Variants in LMX1B observed in about 807,000 individuals in gnomAD.
LMX1B encodes the protein LIM homeobox transcription factor 1-beta.
LMX1B carries 12 observed loss-of-function variants against 51.4 expected under a neutral mutation model. The ratio of observed to expected loss-of-function variants is 0.23; its 90% CI spans 0.15 to 0.38. LMX1B has a LOEUF of 0.38. Among genes scored for constraint, LMX1B ranks in the 10% least tolerant of loss-of-function variants. The probability of loss-of-function intolerance (pLI) is 1.00; values close to 1 mark genes in which losing one functional copy is unlikely to be tolerated. For synonymous variants in LMX1B, 237 were observed against 235.4 expected (o/e 1.01, Z -0.06); for missense variants, 445 against 571.1 (o/e 0.78, Z 2.25).
At chr9:126,669,291 G>T (rs544977500) in intron 2 of LMX1B, among the ~76,000 whole-genome samples, 2 of 151,940 alleles carry the variant, frequency 1.3e-5, no homozygotes, top group Non-Finnish European at 2.9e-5. Flanking sequence ...GAGAACTCCC[G>T]GCGGATGAGG....
Position 126,673,955 on chromosome 9 carries a change from G to C in LMX1B, c.327-16881G>C, listed in dbSNP as rs1313063749. Among the ~76,000 whole-genome samples the C allele has an allele frequency of 6.6e-5, 10 of 152,306 alleles. No homozygotes were observed. The highest frequency in any genetic ancestry group is 3.4e-3 in the Middle Eastern group (1 of 294). On this transcript the variant is annotated intron_variant, in intron 2 of 7. Coordinates refer to ENST00000373474, the MANE Select transcript of LMX1B (RefSeq NM_001174147.2). This position sits in a 1 kb window ranked among gnomAD's most constrained non-coding sequence, Gnocchi z 4.4. ...GTTTGGACAGCTGCCTTGTCTGTCC[G>C]TCTGTTTGGGAGATGCTGGCTGATA... is the stretch of plus-strand genomic sequence containing the variant.
In LMX1B at chr9:126,693,819, CG is replaced by C; in HGVS notation, c.886+11del. 3.2e-6 allele frequency: 4 copies of C among 1,244,890 alleles called. No homozygotes were observed. The highest frequency in any genetic ancestry group is 2.3e-6 in the Non-Finnish European group (2 of 880,862). The allele number at this position is 1,244,890 out of a possible 1,614,324, so 77.1% of individuals were successfully genotyped here. ...TCCCAGCGGCTGGGCCAGGGTGAGC[CG>C]GGGCCGGGGCAGGGCCTGGGCCAGG... On this transcript the variant is annotated splice_region_variant and intron_variant, in intron 6 of 7. Transcript: ENST00000373474.
chr9:126,649,763 A>C (rs898203416), intron 2 of LMX1B, among the ~76,000 whole-genome samples: 2 of 152,098 alleles, frequency 1.3e-5, no homozygotes, highest in Non-Finnish European at 2.9e-5. Context: ...AGTAGCTGGG[A>C]CTATGGGCAT....
intron 2 of LMX1B, among the ~76,000 whole-genome samples, chr9:126,620,810 A>G (rs1835396845): frequency 6.6e-6 from 1 of 152,186 alleles, no homozygotes; most frequent in African/African-American, 2.4e-5. Context: ...AGCTTGGAAA[A>G]GCTTAATAAT....
At position 126,696,510 on chromosome 9, in the gene LMX1B, C is replaced by T. The variant is rs886063420; in HGVS notation, c.*59C>T. On this transcript the variant is annotated 3_prime_UTR_variant, in exon 8 of 8. Coordinates refer to ENST00000373474, the MANE Select transcript of LMX1B (RefSeq NM_001174147.2). The stretch of plus-strand genomic sequence containing the variant: ...GCCTGGGGGGGACTGCCAGCCTCTG[C>T]GGCCAGCCTGGCCACCCCCGCCCTG... The T allele has an allele frequency of 6.9e-6, 11 of 1,596,424 alleles. No homozygotes were observed. Among genetic ancestry groups the T allele is most frequent in the East Asian group, 4.5e-5 (2 of 44,742 alleles).
chr9:126,670,788 A>G (rs1836434331), intron 2 of LMX1B, among the ~76,000 whole-genome samples: 1 of 152,218 alleles, frequency 6.6e-6, no homozygotes, highest in Non-Finnish European at 1.5e-5. Flanking sequence ...AGGTCCTCAA[A>G]TAACGTTTCC....
rs1208744018 is a variant in LMX1B at position 126,615,803 on chromosome 9, C to T, written c.326+234C>T. On this transcript the variant is annotated intron_variant, in intron 2 of 7. Transcript: ENST00000373474. The surrounding 1 kb of genome is among the most constrained non-coding windows in gnomAD (Gnocchi z 6.0). ...CGGCCCCCAGTTGCCATCCGTTGTC[C>T]CGGAATCCTGCGCTGGGCCGGCCGA... is the stretch of plus-strand genomic sequence containing the variant. 6.6e-6 allele frequency among the ~76,000 whole-genome samples: 1 copy of T among 152,184 alleles called. No homozygotes were observed. Among genetic ancestry groups the T allele is most frequent in the Non-Finnish European group, 1.5e-5 (1 of 68,024 alleles).
chr9:126,630,460 A>G (rs1835613330), intron 2 of LMX1B, among the ~76,000 whole-genome samples: 4 of 152,016 alleles, frequency 2.6e-5, no homozygotes, highest in Admixed American at 1.3e-4. Context: ...GTTATCTGTG[A>G]CCTGTCTGGT....
chr9:126,696,683 C>T lies in LMX1B; in HGVS notation c.*232C>T, dbSNP rs551852198. The T allele has an allele frequency of 5.0e-5, 29 of 577,686 alleles. No homozygotes were observed. Among genetic ancestry groups the T allele is most frequent in the Non-Finnish European group, 8.6e-5 (28 of 325,046 alleles). 35.8% of individuals were successfully genotyped at this position (577,686 alleles called of 1,614,324 possible). A position where few individuals can be genotyped will look rare whatever the true frequency, so the allele number is the denominator to read the frequency against. On this transcript the variant is annotated 3_prime_UTR_variant, in exon 8 of 8. Transcript: ENST00000373474. ...CTGCCCACAGAGACCTTGTCATCCC[C>T]AGGGACCCAGAGCTCTCGGACGGCC...
At chr9:126,638,691 G>C (rs1564151408) in intron 2 of LMX1B, among the ~76,000 whole-genome samples, 1 of 152,186 alleles carries the variant, frequency 6.6e-6, no homozygotes, top group East Asian at 1.9e-4. Flanking sequence ...GCGCAGCGGC[G>C]GCTCGGAGCT....
intron 2 of LMX1B, among the ~76,000 whole-genome samples, chr9:126,660,240 T>G (rs1221181874): frequency 1.2e-5 from 1 of 84,100 alleles, no homozygotes; most frequent in Non-Finnish European, 2.8e-5. Context: ...TAGAGATTGT[T>G]CTGTGTGGGG....
intron 4 of LMX1B, 95 bp from the exon 5 acceptor site, chr9:126,693,429 T>C: frequency 1.9e-6 from 3 of 1,542,036 alleles, no homozygotes; most frequent in Non-Finnish European, 2.7e-6. Flanking sequence ...CCCTCCATCC[T>C]CCATCTCTCC....
intron 2 of LMX1B, among the ~76,000 whole-genome samples, chr9:126,665,277 C>A (rs1465262523): frequency 6.6e-6 from 1 of 152,216 alleles, no homozygotes; most frequent in Non-Finnish European, 1.5e-5. Flanking sequence ...CAGCCTGGCA[C>A]GGCCATTGTT....
At position 126,673,173 on chromosome 9, in the gene LMX1B, G is replaced by C. The variant is rs1228094434; in HGVS notation, c.327-17663G>C. On this transcript the variant is annotated intron_variant, in intron 2 of 7. Coordinates refer to ENST00000373474, the MANE Select transcript of LMX1B (RefSeq NM_001174147.2). This position sits in a 1 kb window ranked among gnomAD's most constrained non-coding sequence, Gnocchi z 4.4. The stretch of plus-strand genomic sequence containing the variant: ...TCGAGAGGAGATGAGAACTCCAGAA[G>C]CTCGGGCCAGAGCCTGGCTCACAGC... Among the ~76,000 whole-genome samples the C allele has an allele frequency of 6.6e-6, 1 of 152,226 alleles. No homozygotes were observed. The highest frequency in any genetic ancestry group is 1.5e-5 in the Non-Finnish European group (1 of 68,038).
Position 126,615,273 on chromosome 9 carries a change from C to A in LMX1B, c.140-110C>A. 1.4e-6 allele frequency: 1 copy of A among 715,380 alleles called. No individual in the cohort carries two copies. The highest frequency in any genetic ancestry group is 1.9e-6 in the Non-Finnish European group (1 of 535,742). The allele number at this position is 715,380 out of a possible 1,614,324, so 44.3% of individuals were successfully genotyped here. On this transcript the variant is annotated intron_variant, in intron 1 of 7. Transcript: ENST00000373474. The surrounding 1 kb of genome is among the most constrained non-coding windows in gnomAD (Gnocchi z 6.0). ...GGGAGCGCAGGCGGCAGGCGGTGAT[C>A]CCGGGCGGCCCGAGCCCTCGGGGCC... is the stretch of plus-strand genomic sequence containing the variant.
intron 2 of LMX1B, among the ~76,000 whole-genome samples, chr9:126,679,557 T>G (rs1227502611): frequency 6.6e-6 from 1 of 151,942 alleles, no homozygotes; most frequent in Non-Finnish European, 1.5e-5. Flanking sequence ...GATGAGTGGA[T>G]GTATGGGTGG....
In LMX1B at chr9:126,671,472, T is replaced by A. The variant is rs1836449727; in HGVS notation, c.327-19364T>A. 6.6e-6 allele frequency among the ~76,000 whole-genome samples: 1 copy of A among 151,542 alleles called. No homozygotes were observed. The highest frequency in any genetic ancestry group is 2.4e-5 in the African/African-American group (1 of 41,182). ...TCCGAGCAGAGCTCAGACTGCAGAG[T>A]GGCTGGGTAAATAGTCGCCGCAGTA... On this transcript the variant is annotated intron_variant, in intron 2 of 7. Transcript: ENST00000373474. The surrounding 1 kb of genome is among the most constrained non-coding windows in gnomAD (Gnocchi z 4.4).
At chr9:126,668,893 T>A (rs987610590) in intron 2 of LMX1B, among the ~76,000 whole-genome samples, 1 of 152,208 alleles carries the variant, frequency 6.6e-6, no homozygotes, top group African/African-American at 2.4e-5. Flanking sequence ...AGGGGCCTTC[T>A]GGAACCTGGC....
chr9:126,639,188 G>C lies in LMX1B; in HGVS notation c.326+23619G>C, dbSNP rs569806319. On this transcript the variant is annotated intron_variant, in intron 2 of 7. Coordinates refer to ENST00000373474, the MANE Select transcript of LMX1B (RefSeq NM_001174147.2). The stretch of plus-strand genomic sequence containing the variant: ...GAGGAGGGGAGGGAGAGACAGTGAG[G>C]CAGGGGCAGAGCCAGAAGCTATCTC... Among the ~76,000 whole-genome samples the C allele has an allele frequency of 4.3e-4, 65 of 152,294 alleles. No homozygotes were observed. The South Asian group carries it at 0.013, about 30-fold the overall frequency.
Sources: allele counts gnomAD v4.1 joint callset (sites outside exome capture counted in the v4.1 genomes callset), GRCh38; gene constraint gnomAD v4.1.1; non-coding constraint Gnocchi (gnomAD v3.1); transcripts MANE v1.5; gene names NCBI Gene and HGNC (gene_info 2026-07-23, HGNC 2026-07-21).